The following NFX1 variants were observed in gnomAD, a reference collection of about 807,000 sequenced individuals.
The protein encoded by NFX1 is nuclear transcription factor, X-box binding 1, also known as transcriptional repressor NF-X1.
A neutral mutation model predicts 137.2 loss-of-function variants in NFX1; 69 were observed. The observed-to-expected ratio is 0.50, with a 90% CI of 0.41 to 0.61. The LOEUF (loss-of-function observed/expected upper bound fraction) is 0.61. NFX1 is among the 20% of genes least tolerant of loss of function. The pLI is 0.00. For missense variants in NFX1, 1,167 were observed against 1,391.0 expected (o/e 0.84, Z 2.56); for synonymous variants, 495 against 474.1 (o/e 1.04, Z -0.57).
At chr9:33,309,525 T>C (rs1334013043) in intron 5 of NFX1, among the ~76,000 whole-genome samples, 1 of 152,252 alleles carries the variant, frequency 6.6e-6, no homozygotes, top group Non-Finnish European at 1.5e-5. Flanking sequence ...CTTTCACACT[T>C]GACTTGGGAA....
At chr9:33,340,136 T>A (rs1444457556) in intron 12 of NFX1, among the ~76,000 whole-genome samples, 2 of 152,260 alleles carry the variant, frequency 1.3e-5, no homozygotes, top group Non-Finnish European at 2.9e-5. Context: ...CACATTTCCC[T>A]TCTGTACTGC....
intron 11 of NFX1, among the ~76,000 whole-genome samples, chr9:33,335,227 CTTTTTTTTTTT>C (rs57459026): frequency 1.5e-5 from 2 of 130,524 alleles, no homozygotes; most frequent in Admixed American, 1.5e-4. Context: ...CTTTCTTTTT[CTTTTTTTTTTT>C]TTTTTTTTTG....
intron 17 of NFX1, among the ~76,000 whole-genome samples, chr9:33,353,028 C>T (rs531404709): frequency 6.8e-4 from 103 of 152,268 alleles, no homozygotes; most frequent in Non-Finnish European, 1.4e-3. Flanking sequence ...CAGGCGTGAG[C>T]CACTACACCT....
At chr9:33,340,412 C>T (rs1356166095) in intron 12 of NFX1, among the ~76,000 whole-genome samples, 2 of 152,236 alleles carry the variant, frequency 1.3e-5, no homozygotes, top group African/African-American at 4.8e-5. Flanking sequence ...AGGCTGCATG[C>T]AGCAGGGGGA....
In NFX1 at chr9:33,294,965, G is replaced by T; in HGVS notation, c.571G>T (p.Glu191Ter). 6.2e-7 allele frequency: 1 copy of T among 1,614,154 alleles called. No homozygotes were observed. Among genetic ancestry groups the T allele is most frequent in the Non-Finnish European group, 8.5e-7 (1 of 1,180,042 alleles). Residue 191 changes from glutamate (E) to a stop codon, truncating the protein, a stop_gained, in exon 2 of 24, where the codon GAA becomes TAA. Transcript: ENST00000379540. LOFTEE classifies it high-confidence loss of function. ...AAAAGTCAAGGGGAAACTCAAATGT[G>T]AATGGAGTAACCGAACAACTCCAAA... is the stretch of plus-strand genomic sequence containing the variant. ...GPKVKGKLKC[E>*]WSNRTTPKPE... is the part of the protein sequence containing the mutation.
At chr9:33,365,146 C>T (rs1179696576) in intron 21 of NFX1, 2 of 242,096 alleles carry the variant, frequency 8.3e-6, no homozygotes, top group Non-Finnish European at 1.4e-5. Context: ...TGGTGGCGGG[C>T]ACCTGTTATT....
chr9:33,324,943 A>C (rs941180916), intron 9 of NFX1, among the ~76,000 whole-genome samples: 4 of 151,654 alleles, frequency 2.6e-5, no homozygotes, highest in Non-Finnish European at 5.9e-5. Flanking sequence ...AAAAAAAAAA[A>C]GAAAGAGATT....
At chr9:33,321,673 T>A (rs928028043) in intron 9 of NFX1, among the ~76,000 whole-genome samples, 1 of 152,094 alleles carries the variant, frequency 6.6e-6, no homozygotes, top group Non-Finnish European at 1.5e-5. Context: ...TCCAGGACTT[T>A]GAGACCAGCC....
At chr9:33,323,255 CAAAT>C (rs1416845229) in intron 9 of NFX1, among the ~76,000 whole-genome samples, 1 of 152,042 alleles carries the variant, frequency 6.6e-6, no homozygotes, top group Admixed American at 6.6e-5. Flanking sequence ...AGTCACAAAA[CAAAT>C]AAATAAGCAA....
intron 23 of NFX1, among the ~76,000 whole-genome samples, chr9:33,368,650 T>A (rs12686729): frequency 0.1 from 15,309 of 152,210 alleles, 914 homozygotes; most frequent in South Asian, 0.17. Flanking sequence ...AAAAGTTACT[T>A]CAAAGCCCAG....
At chr9:33,291,549 C>T (rs1821161578) in intron 1 of NFX1, among the ~76,000 whole-genome samples, 1 of 152,166 alleles carries the variant, frequency 6.6e-6, no homozygotes, top group Admixed American at 6.5e-5. Context: ...ACCAAGAAGA[C>T]CATATATGTA....
chr9:33,307,370 C>A, intron 5 of NFX1, 71 bp downstream of exon 5: 1 of 1,287,550 alleles, frequency 7.8e-7, no homozygotes, highest in Admixed American at 1.7e-5. Flanking sequence ...AGTAAACATA[C>A]CTGGTTAGCA....
At chr9:33,336,436 G>A (rs984717121) in intron 11 of NFX1, among the ~76,000 whole-genome samples, 4 of 151,850 alleles carry the variant, frequency 2.6e-5, no homozygotes, top group Non-Finnish European at 5.9e-5. Flanking sequence ...GGCTGGTCTC[G>A]AACTCCTGAC....
At chr9:33,316,812 G>C (rs997605590) in intron 7 of NFX1, among the ~76,000 whole-genome samples, 3 of 152,032 alleles carry the variant, frequency 2.0e-5, no homozygotes, top group Non-Finnish European at 2.9e-5. Flanking sequence ...TCATATTTCT[G>C]TCTCTCGTGC....
intron 21 of NFX1, among the ~76,000 whole-genome samples, chr9:33,366,188 C>G (rs1824164137): frequency 6.6e-6 from 1 of 152,128 alleles, no homozygotes; most frequent in Non-Finnish European, 1.5e-5. Context: ...TTAAGAAACC[C>G]CAACAGATGT....
At chr9:33,310,869 G>T (rs756279196) in intron 5 of NFX1, among the ~76,000 whole-genome samples, 11 of 152,172 alleles carry the variant, frequency 7.2e-5, no homozygotes, top group Non-Finnish European at 1.6e-4. Context: ...CCAGTATTTT[G>T]ACTTGGGATT....
At chr9:33,342,589 C>T (rs1823267958) in intron 12 of NFX1, among the ~76,000 whole-genome samples, 157 bp from the exon 13 acceptor site, 1 of 152,192 alleles carries the variant, frequency 6.6e-6, no homozygotes. Context: ...TATCTTCATC[C>T]CCACCTACTC....
chr9:33,366,873 C>G, intron 22 of NFX1, 99 bp downstream of exon 22: 1 of 1,384,412 alleles, frequency 7.2e-7, no homozygotes. Flanking sequence ...CTACCACTCT[C>G]CCTCTTGGAA....
chr9:33,370,847 C>T lies in NFX1; in HGVS notation c.*869C>T, dbSNP rs935671547. On this transcript the variant is annotated 3_prime_UTR_variant, in exon 24 of 24. Coordinates refer to ENST00000379540, the MANE Select transcript of NFX1 (RefSeq NM_002504.6). Reference sequence around the variant, plus strand: ...CTGTCCTGTGTTGCTTTCCCTAGGCCTTCAGCAGCCTATTGGCTCTCCCTG... The same window carrying T: ...CTGTCCTGTGTTGCTTTCCCTAGGCTTTCAGCAGCCTATTGGCTCTCCCTG... 1 of 152,458 alleles carries T rather than the reference C, an allele frequency of 6.6e-6. No homozygotes were observed. The highest frequency in any genetic ancestry group is 1.5e-5 in the Non-Finnish European group (1 of 68,242). The allele number at this position is 152,458 out of a possible 1,614,324, so 9.4% of individuals were successfully genotyped here.
Sources: gnomAD v4.1 joint callset for allele counts (sites outside exome capture counted in the v4.1 genomes callset) on GRCh38, gnomAD v4.1.1 for gene constraint, MANE v1.5 for transcripts, NCBI Gene and HGNC (gene_info 2026-07-23, HGNC 2026-07-21) for gene names.